The following SLC28A3 variants were observed in gnomAD, a reference collection of about 807,000 sequenced individuals.
SLC28A3 encodes the protein concentrative Na(+)-nucleoside cotransporter 3.
SLC28A3 carries 68 observed loss-of-function variants against 84.2 expected under a neutral mutation model. That is an observed-to-expected ratio of 0.81 (90% CI 0.66 to 0.99). The LOEUF is 0.99. Among genes scored for constraint, SLC28A3 ranks in the 50% least tolerant of loss-of-function variants. SLC28A3 has a pLI of 0.00. For synonymous variants in SLC28A3, 267 were observed against 303.6 expected (o/e 0.88, Z 1.25); for missense variants, 712 against 841.5 (o/e 0.85, Z 1.90).
chr9:84,311,970 C>A (rs1826003417), intron 2 of SLC28A3, among the ~76,000 whole-genome samples: 1 of 152,254 alleles, frequency 6.6e-6, no homozygotes. Context: ...TAGTTGGGAT[C>A]GCACAATAGG....
intron 1 of SLC28A3, among the ~76,000 whole-genome samples, chr9:84,328,954 C>CA (rs1463792190): frequency 2.6e-5 from 4 of 151,998 alleles, no homozygotes; most frequent in Non-Finnish European, 4.4e-5. Flanking sequence ...CAAAATAAAA[C>CA]AAAATCCCAT....
intron 5 of SLC28A3, 69 bp from the exon 6 acceptor site, chr9:84,299,794 ATT>A (rs200253055): frequency 1.5e-3 from 1,796 of 1,225,046 alleles, no homozygotes; most frequent in South Asian, 2.4e-3. Context: ...ATCAGGCTTA[ATT>A]TTTTTTTTTT....
At chr9:84,359,509 G>A in the SLC28A3 span, among the ~76,000 whole-genome samples, 1 of 152,090 alleles carries the variant, frequency 6.6e-6, no homozygotes, top group Non-Finnish European at 1.5e-5. Context: ...AAGTATTTTG[G>A]AAAATATTGA....
the SLC28A3 span, among the ~76,000 whole-genome samples, chr9:84,352,201 T>A: frequency 6.6e-6 from 1 of 152,084 alleles, no homozygotes; most frequent in Non-Finnish European, 1.5e-5. Context: ...GCTTTTTTTT[T>A]AAGACAGAGT....
chr9:84,345,237 C>CAAA (rs386415324), upstream of SLC28A3, among the ~76,000 whole-genome samples: 21,172 of 138,582 alleles, frequency 0.15, 1,565 homozygotes, highest in South Asian at 0.25. Flanking sequence ...TTACCAAAGG[C>CAAA]AAAAAAAAAA....
chr9:84,291,093 A>G (rs7047315), intron 10 of SLC28A3, among the ~76,000 whole-genome samples: 18,309 of 152,140 alleles, frequency 0.12, 1,161 homozygotes, highest in Admixed American at 0.15. Flanking sequence ...CAATTTTACA[A>G]TTTTCTCCTT....
At chr9:84,318,427 T>C (rs939305478) in intron 1 of SLC28A3, among the ~76,000 whole-genome samples, 1 of 152,176 alleles carries the variant, frequency 6.6e-6, no homozygotes, top group African/African-American at 2.4e-5. Context: ...CTTGGGAACT[T>C]TGTGAGCCAG....
At chr9:84,297,198 A>C in intron 8 of SLC28A3, 23 bp downstream of exon 8, 1 of 1,596,228 alleles carries the variant, frequency 6.3e-7, no homozygotes, top group South Asian at 1.1e-5. Flanking sequence ...CAGCGACTAC[A>C]TAGAAAAAAG....
intron 1 of SLC28A3, among the ~76,000 whole-genome samples, chr9:84,326,585 T>A (rs925231449): frequency 2.0e-5 from 3 of 152,114 alleles, no homozygotes; most frequent in Admixed American, 2.0e-4. Context: ...CAATCATTCC[T>A]GACATGACAT....
intron 11 of SLC28A3, 56 bp downstream of exon 11, chr9:84,290,098 T>C: frequency 6.3e-7 from 1 of 1,579,620 alleles, no homozygotes; most frequent in South Asian, 1.2e-5. Flanking sequence ...AGAAAAGAAA[T>C]AACAATAATA....
rs568636501 is a variant in SLC28A3, at chr9:84,309,833, G to T, written c.157-119C>A. The T allele has an allele frequency of 5.3e-4, 393 of 746,772 alleles. 2 individuals are homozygous for T. In the African/African-American group the frequency reaches 6.4e-3, roughly 12 times the overall value. The allele number at this position is 746,772 out of a possible 1,614,324, so 46.3% of individuals were successfully genotyped here. On this transcript the variant is annotated intron_variant, in intron 2 of 17. Coordinates refer to ENST00000376238, the MANE Select transcript of SLC28A3 (RefSeq NM_001199633.2). ...TCAATAGGTCCTTTTAAATTATTAT[G>T]CAAGAAGATGGCTCCTATTATCTAC...
At chr9:84,338,898 G>A (rs1827066683) in intron 1 of SLC28A3, among the ~76,000 whole-genome samples, 1 of 152,070 alleles carries the variant, frequency 6.6e-6, no homozygotes, top group African/African-American at 2.4e-5. Flanking sequence ...CACAGAAAGA[G>A]CTCTCTGCCC....
At chr9:84,290,087 A>G in intron 11 of SLC28A3, 67 bp downstream of exon 11, 1 of 1,570,052 alleles carries the variant, frequency 6.4e-7, no homozygotes, top group Non-Finnish European at 8.7e-7. Flanking sequence ...AGCAATGGAA[A>G]AGAAAAGAAA....
intron 1 of SLC28A3, among the ~76,000 whole-genome samples, chr9:84,320,559 T>C (rs886807843): frequency 1.3e-5 from 2 of 152,222 alleles, no homozygotes; most frequent in Admixed American, 6.5e-5. Context: ...ATCAGCCTTT[T>C]ATGCTTAACT....
At chr9:84,302,925 AT>A (rs1825681203) in intron 4 of SLC28A3, among the ~76,000 whole-genome samples, 1 of 152,222 alleles carries the variant, frequency 6.6e-6, no homozygotes, top group Admixed American at 6.5e-5. Context: ...TGAAGAGCAG[AT>A]TCTAGGATAA....
chr9:84,350,237 T>A, the SLC28A3 span, among the ~76,000 whole-genome samples: 1 of 151,546 alleles, frequency 6.6e-6, no homozygotes, highest in African/African-American at 2.4e-5. Context: ...AGGTCTGGAG[T>A]TCAAGACCAG....
intron 1 of SLC28A3, among the ~76,000 whole-genome samples, chr9:84,327,775 G>C (rs12337755): frequency 1.3e-5 from 2 of 151,774 alleles, no homozygotes; most frequent in Non-Finnish European, 2.9e-5. Context: ...AAAATTAGCC[G>C]AGCATGGTGG....
At chr9:84,354,551 AAAACGGAAACTCT>A in the SLC28A3 span, among the ~76,000 whole-genome samples, 2 of 152,258 alleles carry the variant, frequency 1.3e-5, no homozygotes, top group African/African-American at 4.8e-5. Context: ...ATGATACTTA[AAAACGGAAACTCT>A]AGGCCGGGCA....
At chr9:84,290,027 C>A (rs760790946) in intron 11 of SLC28A3, 127 bp downstream of exon 11, 4 of 1,292,830 alleles carry the variant, frequency 3.1e-6, no homozygotes, top group Non-Finnish European at 4.1e-6. Flanking sequence ...CTGTGACCAA[C>A]TTTTGCCATA....
Sources: gnomAD v4.1 joint callset for allele counts (sites outside exome capture counted in the v4.1 genomes callset) on GRCh38, gnomAD v4.1.1 for gene constraint, MANE v1.5 for transcripts, NCBI Gene and HGNC (gene_info 2026-07-23, HGNC 2026-07-21) for gene names.